The following INPP5D variants were observed in gnomAD, a reference collection of about 807,000 sequenced individuals.
INPP5D encodes inositol polyphosphate-5-phosphatase D.
Under a neutral mutation model 122.9 loss-of-function variants are expected in INPP5D, and 33 were observed. That is an observed-to-expected ratio of 0.27 (90% CI 0.20 to 0.36). The LOEUF (loss-of-function observed/expected upper bound fraction) is 0.36. Ranked by LOEUF, INPP5D falls within the 10% of genes least tolerant of loss-of-function variation. The probability of loss-of-function intolerance (pLI) is 1.00; values close to 1 mark genes in which losing one functional copy is unlikely to be tolerated. For missense variants in INPP5D, 1,053 were observed against 1,412.7 expected, an observed-to-expected ratio of 0.75 and a Z score of 4.08; for synonymous variants, 584 against 576.2, an observed-to-expected ratio of 1.01 and a Z score of -0.19.
At chr2:233,106,860 C>T (rs1369635603) in intron 2 of INPP5D, among the ~76,000 whole-genome samples, 1 of 152,200 alleles carries the variant, frequency 6.6e-6, no homozygotes, top group Non-Finnish European at 1.5e-5. Context: ...TCATCCTTGT[C>T]CCCTTGCTCT....
chr2:233,097,948 G>A (rs1280927570), intron 2 of INPP5D, among the ~76,000 whole-genome samples: 1 of 151,426 alleles, frequency 6.6e-6, no homozygotes, highest in East Asian at 1.9e-4. Flanking sequence ...GTGCAGTGGC[G>A]CGATCTCGGT....
chr2:233,140,707 C>T (rs1369318205), intron 6 of INPP5D: 1 of 152,146 alleles, frequency 6.6e-6, no homozygotes, highest in African/African-American at 2.4e-5. Flanking sequence ...ATGCCAGTCT[C>T]CTTTTAAAAT....
rs189845643 is a variant in INPP5D at position 233,068,543 on chromosome 2, C to T, written c.134+7931C>T. Among the ~76,000 whole-genome samples, 5 of 152,082 alleles carry T rather than the reference C, an allele frequency of 3.3e-5. No individual in the cohort carries two copies. In the East Asian group the frequency reaches 5.8e-4, roughly 18 times the overall value. ...CCAGGAGGTGGAGGTTGCAGTGAGC[C>T]GAGATCGTGCCATTGCACTCCAGCC... On this transcript the variant is annotated intron_variant, in intron 1 of 26. Coordinates refer to ENST00000445964, the MANE Select transcript of INPP5D (RefSeq NM_001017915.3).
intron 9 of INPP5D, among the ~76,000 whole-genome samples, chr2:233,150,571 G>A (rs1469972173): frequency 6.6e-6 from 1 of 152,204 alleles, no homozygotes; most frequent in Non-Finnish European, 1.5e-5. Flanking sequence ...AAGACTGTCA[G>A]AGCACCTGAT....
At chr2:233,069,379 C>T (rs1026217407) in intron 1 of INPP5D, among the ~76,000 whole-genome samples, 5 of 152,170 alleles carry the variant, frequency 3.3e-5, no homozygotes, top group Non-Finnish European at 7.4e-5. Flanking sequence ...TTATACAAAG[C>T]ACAGAAAGTA....
chr2:233,174,585 A>G (rs936041965), intron 17 of INPP5D, among the ~76,000 whole-genome samples: 1 of 152,224 alleles, frequency 6.6e-6, no homozygotes, highest in Admixed American at 6.5e-5. Flanking sequence ...TGAGGCCAGG[A>G]GTTTGAGACC....
intron 8 of INPP5D, among the ~76,000 whole-genome samples, chr2:233,147,037 G>C (rs150961789): frequency 6.6e-6 from 1 of 152,156 alleles, no homozygotes; most frequent in African/African-American, 2.4e-5. Flanking sequence ...GCATGCCTAC[G>C]CAACTGTTGT....
intron 18 of INPP5D, among the ~76,000 whole-genome samples, chr2:233,182,026 G>T (rs1694798297): frequency 6.6e-6 from 1 of 152,290 alleles, no homozygotes; most frequent in Admixed American, 6.5e-5. Flanking sequence ...AGCCTGGGAG[G>T]TGGAGGCTGC....
intron 2 of INPP5D, among the ~76,000 whole-genome samples, chr2:233,084,284 G>A (rs1691772358): frequency 6.6e-6 from 1 of 152,216 alleles, no homozygotes; most frequent in Non-Finnish European, 1.5e-5. Context: ...CAAACGCCTG[G>A]GCTCAAGTGA....
At chr2:233,144,967 A>G (rs1693721021) in intron 6 of INPP5D, among the ~76,000 whole-genome samples, 1 of 152,034 alleles carries the variant, frequency 6.6e-6, no homozygotes, top group Admixed American at 6.5e-5. Flanking sequence ...CCTGGCTGCT[A>G]TATTGAGCAA....
In INPP5D at chr2:233,147,502, A is replaced by C. The variant is rs1234560439; in HGVS notation, c.938A>C (p.Lys313Thr). 1.4e-6 allele frequency: 1 copy of C among 704,146 alleles called. No individual in the cohort carries two copies. Among genetic ancestry groups the C allele is most frequent in the Non-Finnish European group, 2.6e-6 (1 of 384,998 alleles). 43.6% of individuals were successfully genotyped at this position (704,146 alleles called of 1,614,324 possible). A position where few individuals can be genotyped will look rare whatever the true frequency, so the allele number is the denominator to read the frequency against. ...GCAGAGTCTCTGGGGATTCCTCAGAAAATGCAGCTCAAAGTCGACGTTGAG... is the reference window on the plus strand; with the variant it reads ...GCAGAGTCTCTGGGGATTCCTCAGACAATGCAGCTCAAAGTCGACGTTGAG... The part of the protein sequence containing the change: ...VKAESLGIPQ[K>T]MQLKVDVESG... The change falls in exon 9 of 27, where the codon AAA (lysine) becomes ACA (threonine). Residue 313 changes from lysine (K) to threonine (T), a missense_variant. Coordinates refer to ENST00000445964, the MANE Select transcript of INPP5D (RefSeq NM_001017915.3).
intron 13 of INPP5D, among the ~76,000 whole-genome samples, chr2:233,167,419 T>G (rs1263893127): frequency 6.6e-6 from 1 of 152,026 alleles, no homozygotes; most frequent in East Asian, 1.9e-4. Flanking sequence ...TTATTCCCAT[T>G]TGCAGATGAA....
At chr2:233,161,929 C>T in intron 11 of INPP5D, 103 bp downstream of exon 11, 3 of 1,473,440 alleles carry the variant, frequency 2.0e-6, no homozygotes, top group Non-Finnish European at 1.8e-6. Context: ...ATGTCCCCTT[C>T]CTTCCTGCCC....
Position 233,161,792 on chromosome 2 carries a change from C to T in INPP5D, c.1206C>T (p.Asp402=), listed in dbSNP as rs1388221164. ...AGCACTCAGAGCAGCCGGAGCCCGACATGATCACCATCTTCATCGGCACCT... is the reference window on the plus strand; with the variant it reads ...AGCACTCAGAGCAGCCGGAGCCCGATATGATCACCATCTTCATCGGCACCT... The part of the protein sequence containing the change: ...KNKHSEQPEP[D]MITIFIGTWN... Residue 402 remains aspartate (D), a synonymous_variant, in exon 11 of 27, where the codon GAC becomes GAT. Transcript: ENST00000445964. The T allele has an allele frequency of 5.6e-6, 9 of 1,613,684 alleles. No homozygotes were observed. Among genetic ancestry groups the T allele is most frequent in the Non-Finnish European group, 7.6e-6 (9 of 1,179,790 alleles).
intron 3 of INPP5D, among the ~76,000 whole-genome samples, chr2:233,125,477 C>CA (rs933243916): frequency 3.3e-5 from 5 of 152,236 alleles, no homozygotes; most frequent in African/African-American, 9.6e-5. Flanking sequence ...CCAAGGTCAG[C>CA]AGCCCTGCAG....
At chr2:233,186,654 T>C (rs1694923224) in intron 21 of INPP5D, among the ~76,000 whole-genome samples, 1 of 142,582 alleles carries the variant, frequency 7.0e-6, no homozygotes, top group African/African-American at 2.6e-5. Context: ...AAAAATTTTT[T>C]TTCTCTTGTT....
chr2:233,077,844 A>AGT (rs1691564767), intron 1 of INPP5D, among the ~76,000 whole-genome samples: 1 of 143,234 alleles, frequency 7.0e-6, no homozygotes. Context: ...TGAGTGACAG[A>AGT]GTGAGACTCC....
chr2:233,075,136 C>T (rs561073003), intron 1 of INPP5D, among the ~76,000 whole-genome samples: 132 of 152,312 alleles, frequency 8.7e-4, no homozygotes, highest in African/African-American at 2.7e-3. Flanking sequence ...CATCACCCAG[C>T]ACCTGTGGGA....
rs923252776 is a variant in INPP5D, at chr2:233,206,777, G to A, written c.*69G>A. The A allele has an allele frequency of 1.6e-5, 12 of 733,144 alleles. No individual in the cohort carries two copies. Among genetic ancestry groups the A allele is most frequent in the Non-Finnish European group, 2.8e-5 (11 of 393,730 alleles). 45.4% of individuals were successfully genotyped at this position (733,144 alleles called of 1,614,324 possible). On this transcript the variant is annotated 3_prime_UTR_variant, in exon 27 of 27. Transcript: ENST00000445964. This position sits in a 1 kb window ranked among gnomAD's most constrained non-coding sequence, Gnocchi z 4.0. ...GCGTGAAGCCACTGGACCCTCTCCC[G>A]GGACCTCCTGCTGGCTCCTCCTGCC...
Sources: allele counts gnomAD v4.1 joint callset (sites outside exome capture counted in the v4.1 genomes callset), GRCh38; gene constraint gnomAD v4.1.1; non-coding constraint Gnocchi (gnomAD v3.1); transcripts MANE v1.5; gene names NCBI Gene and HGNC (gene_info 2026-07-23, HGNC 2026-07-21).